The following RAB40B variants were observed in gnomAD, a reference collection of about 807,000 sequenced individuals.
RAB40B encodes ras-related protein Rab-40B.
A neutral mutation model predicts 24.0 loss-of-function variants in RAB40B; 21 were observed. That is an observed-to-expected ratio of 0.88 (90% confidence interval 0.62 to 1.26). The LOEUF (loss-of-function observed/expected upper bound fraction) is 1.26. Among genes scored for constraint, RAB40B ranks in the 50% most tolerant of loss-of-function variants. RAB40B has a pLI of 0.00. For synonymous variants in RAB40B, 167 were observed against 169.8 expected (o/e 0.98, Z 0.13); for missense variants, 348 against 390.5 (o/e 0.89, Z 0.92).
At chr17:82,685,622 G>A (rs1227999034) in intron 1 of RAB40B, among the ~76,000 whole-genome samples, 2 of 152,134 alleles carry the variant, frequency 1.3e-5, no homozygotes, top group Non-Finnish European at 2.9e-5. Context: ...CTCCAGTGCT[G>A]AAGCTCCAAG....
At chr17:82,664,345 G>A (rs1238922921) in intron 2 of RAB40B, 151 bp downstream of exon 2, 26 of 710,324 alleles carry the variant, frequency 3.7e-5, no homozygotes, top group South Asian at 5.0e-5. Context: ...CTGTGCCGAC[G>A]GTGGTGGTGG....
At chr17:82,677,507 C>G (rs1043375235) in intron 1 of RAB40B, among the ~76,000 whole-genome samples, 1 of 152,186 alleles carries the variant, frequency 6.6e-6, no homozygotes, top group South Asian at 2.1e-4. Context: ...CCTGATGTGT[C>G]CCCCTTGCCA....
intron 1 of RAB40B, among the ~76,000 whole-genome samples, chr17:82,693,439 C>T (rs1035616967): frequency 6.6e-6 from 1 of 152,224 alleles, no homozygotes; most frequent in Non-Finnish European, 1.5e-5. Flanking sequence ...GAAGATGATG[C>T]AGCCGGGGCC....
At chr17:82,693,296 C>T (rs767156411) in intron 1 of RAB40B, among the ~76,000 whole-genome samples, 2 of 151,964 alleles carry the variant, frequency 1.3e-5, no homozygotes, top group African/African-American at 4.8e-5. Flanking sequence ...CGTGAGCCAC[C>T]AGGCCCGGCC....
At chr17:82,665,920 C>A (rs2046250452) in intron 1 of RAB40B, among the ~76,000 whole-genome samples, 2 of 151,282 alleles carry the variant, frequency 1.3e-5, no homozygotes, top group South Asian at 4.2e-4. Context: ...AAAAACTACA[C>A]TTAAAAAAAA....
intron 2 of RAB40B, chr17:82,662,571 C>G (rs2046187742): frequency 1.0e-6 from 1 of 985,026 alleles, no homozygotes; most frequent in Non-Finnish European, 1.2e-6. Flanking sequence ...TTGTGGGCAC[C>G]AGGAAGGACC....
Position 82,698,472 on chromosome 17 carries a change from G to C in RAB40B, c.125C>G (p.Pro42Arg), listed in dbSNP as rs775939518. Residue 42 changes from proline (P) to arginine (R), a missense_variant, in exon 1 of 6, where the codon CCG becomes CGG. Physicochemically the swap from Pro to Arg is moderately radical, Grantham distance 103 (BLOSUM62 -2). Transcript: ENST00000571995. ...GCGCTCACCCGCCGGGTGGCCGTAC[G>C]GGGACTCGGCCGCGCCATCCTGCAG... ...ASLQDGAAES[P>R]YGHPAGIDYK... 17 of 1,474,778 alleles carry C rather than the reference G, an allele frequency of 1.2e-5. No homozygotes were observed. The East Asian group carries it at 3.9e-4, about 34-fold the overall frequency. The allele number at this position is 1,474,778 out of a possible 1,614,324, so 91.4% of individuals were successfully genotyped here.
At chr17:82,685,506 G>A (rs1257741569) in intron 1 of RAB40B, among the ~76,000 whole-genome samples, 3 of 152,166 alleles carry the variant, frequency 2.0e-5, no homozygotes, top group Non-Finnish European at 4.4e-5. Context: ...CAGCCCAGCA[G>A]TGAAACGCTC....
At chr17:82,661,996 G>A (rs999967512) in intron 2 of RAB40B, 9 of 985,298 alleles carry the variant, frequency 9.1e-6, no homozygotes, top group Middle Eastern at 1.0e-3. Flanking sequence ...GCTGTTTCCC[G>A]GAGTCTGCAC....
At chr17:82,694,223 G>A (rs1315591445) in intron 1 of RAB40B, among the ~76,000 whole-genome samples, 3 of 151,112 alleles carry the variant, frequency 2.0e-5, no homozygotes, top group Non-Finnish European at 4.4e-5. Flanking sequence ...AAATAGGAAA[G>A]GCATAAGATA....
At position 82,667,712 on chromosome 17, in the gene RAB40B, G is replaced by A. The variant is rs147136937; in HGVS notation, c.143-3156C>T. 2.1e-3 allele frequency among the ~76,000 whole-genome samples: 322 copies of A among 152,226 alleles called. 2 individuals are homozygous for A. The highest frequency in any genetic ancestry group is 4.6e-3 in the African/African-American group (190 of 41,550). On this transcript the variant is annotated intron_variant, in intron 1 of 5. Coordinates refer to ENST00000571995, the MANE Select transcript of RAB40B (RefSeq NM_006822.3). The surrounding 1 kb of genome is among the most constrained non-coding windows in gnomAD (Gnocchi z 4.3). The stretch of plus-strand genomic sequence containing the variant: ...AGCAACACCAGAGCAAACTCCCCCC[G>A]TCAGAGGAGAGTGATTCAGAGGACA...
At chr17:82,684,295 C>A (rs1380952577) in intron 1 of RAB40B, among the ~76,000 whole-genome samples, 1 of 150,346 alleles carries the variant, frequency 6.7e-6, no homozygotes, top group South Asian at 2.1e-4. Context: ...AAAAACAAAA[C>A]CAAAGAATGT....
intron 1 of RAB40B, among the ~76,000 whole-genome samples, chr17:82,674,668 G>C (rs1475314691): frequency 2.0e-5 from 3 of 151,154 alleles, no homozygotes; most frequent in Non-Finnish European, 4.4e-5. Flanking sequence ...GAAAAGAAAA[G>C]AAAAAGCAAC....
chr17:82,684,470 A>C (rs984581629), intron 1 of RAB40B, among the ~76,000 whole-genome samples: 2 of 152,190 alleles, frequency 1.3e-5, no homozygotes, highest in Non-Finnish European at 2.9e-5. Flanking sequence ...AGTTCGCACA[A>C]AAACGAGTCA....
chr17:82,662,419 G>A, intron 2 of RAB40B: 1 of 985,446 alleles, frequency 1.0e-6, no homozygotes, highest in East Asian at 1.1e-4. Flanking sequence ...ATCGTGAAGT[G>A]GGAGCACTCC....
At position 82,698,442 on chromosome 17, in the gene RAB40B, C is replaced by T. The variant is rs1410530285; in HGVS notation, c.142+13G>A. 7.0e-7 allele frequency: 1 copy of T among 1,426,514 alleles called. No individual in the cohort carries two copies. The highest frequency in any genetic ancestry group is 2.3e-5 in the Admixed American group (1 of 43,062). 88.4% of individuals were successfully genotyped at this position (1,426,514 alleles called of 1,614,324 possible). ...CGCGCCCGCACCCCGGCACGCCCTC[C>T]GCCCGCGCTCACCCGCCGGGTGGCC... On this transcript the variant is annotated intron_variant, in intron 1 of 5. Coordinates refer to ENST00000571995, the MANE Select transcript of RAB40B (RefSeq NM_006822.3).
rs150990027 is a variant in RAB40B, at chr17:82,675,822, TG to T, written c.143-11267del. On this transcript the variant is annotated intron_variant, in intron 1 of 5. Transcript: ENST00000571995. This position sits in a 1 kb window ranked among gnomAD's most constrained non-coding sequence, Gnocchi z 4.5. ...GGGGTTAGGTTTCAGCACCCGAATT[TG>T]GGGGGGTCACAAACATTCACTCTCT... Among the ~76,000 whole-genome samples, 95 of 152,070 alleles carry T rather than the reference TG, an allele frequency of 6.2e-4. No homozygotes were observed. The highest frequency in any genetic ancestry group is 1.1e-3 in the Non-Finnish European group (78 of 67,970).
Position 82,655,293 on chromosome 17 carries a change from G to A in RAB40B, c.*2570C>T, listed in dbSNP as rs796707519. 26 of 152,306 alleles carry A rather than the reference G, an allele frequency of 1.7e-4. No individual in the cohort carries two copies. Among genetic ancestry groups the A allele is most frequent in the African/African-American group, 5.8e-4 (24 of 41,564 alleles). 9.4% of individuals were successfully genotyped at this position (152,306 alleles called of 1,614,324 possible). ...CCTCCTTGCTACATGTTCCGCTTCT[G>A]GGGACTTCTGGTGGTGTTTCCCTGG... On this transcript the variant is annotated 3_prime_UTR_variant, in exon 6 of 6. Transcript: ENST00000571995.
rs577376970 is a variant in RAB40B at position 82,669,432 on chromosome 17, A to G, written c.143-4876T>C. Among the ~76,000 whole-genome samples, 99 of 152,086 alleles carry G rather than the reference A, an allele frequency of 6.5e-4. 2 individuals carry two copies. In the South Asian group the frequency reaches 0.019, roughly 30 times the overall value. The stretch of plus-strand genomic sequence containing the variant: ...GGAGGTTGTGGTGAGCCGAGATCAC[A>G]CCATTTCACTCCAGCCTGGGCAACA... On this transcript the variant is annotated intron_variant, in intron 1 of 5. Coordinates refer to ENST00000571995, the MANE Select transcript of RAB40B (RefSeq NM_006822.3).
Sources: gnomAD v4.1 joint callset for allele counts (sites outside exome capture counted in the v4.1 genomes callset) on GRCh38, gnomAD v4.1.1 for gene constraint, Gnocchi (gnomAD v3.1) non-coding constraint, MANE v1.5 for transcripts, NCBI Gene and HGNC (gene_info 2026-07-23, HGNC 2026-07-21) for gene names.